The following CR1 variants were observed in gnomAD, a reference collection of about 807,000 sequenced individuals.
The protein encoded by CR1 is complement C3b/C4b receptor 1 (Knops blood group).
CR1 carries 116 observed loss-of-function variants against 187.3 expected under a neutral mutation model. The ratio of observed to expected loss-of-function variants is 0.62; its 90% CI spans 0.53 to 0.72. CR1 has a LOEUF of 0.72. Among genes scored for constraint, CR1 ranks in the 30% least tolerant of loss-of-function variants. The pLI is 0.00. For missense variants in CR1, 1,731 were observed against 2,110.7 expected (o/e 0.82, Z 3.52); for synonymous variants, 576 against 747.1 (o/e 0.77, Z 3.73).
At chr1:207,519,407 T>G (rs1200363724) in intron 4 of CR1, among the ~76,000 whole-genome samples, 2 of 152,134 alleles carry the variant, frequency 1.3e-5, no homozygotes, top group African/African-American at 2.4e-5. Context: ...TCACATTTTT[T>G]AATTCATCAA....
intron 4 of CR1, among the ~76,000 whole-genome samples, chr1:207,513,263 C>T (rs183694692): frequency 6.6e-6 from 1 of 152,190 alleles, no homozygotes; most frequent in Non-Finnish European, 1.5e-5. Flanking sequence ...ACAAGAACCC[C>T]CATTGTCTCT....
intron 46 of CR1, among the ~76,000 whole-genome samples, chr1:207,633,121 T>C (rs1662701456): frequency 6.6e-6 from 1 of 152,214 alleles, no homozygotes; most frequent in African/African-American, 2.4e-5. Flanking sequence ...CTTTTCCGCC[T>C]TTCTTTCTAT....
At chr1:207,612,533 T>C (rs1195069774) in intron 39 of CR1, among the ~76,000 whole-genome samples, 1 of 152,228 alleles carries the variant, frequency 6.6e-6, no homozygotes, top group Admixed American at 6.5e-5. Flanking sequence ...GTAATTCTTT[T>C]AATGCAGGAT....
In CR1 at chr1:207,621,984, G is replaced by A. The variant is rs1367687790; in HGVS notation, c.7264G>A (p.Ala2422Thr). ...TGTCTTCCTTTTAGGTACACATGAT[G>A]CTCTCATAGTTGGTAAGTTTTATGA... ...LAKCTSRTHD[A>T]LIVGTLSGTI... The change falls in exon 44 of 47, where the codon GCT (alanine) becomes ACT (threonine). Residue 2422 changes from alanine to threonine, a missense_variant. This residue lies in a region of CR1 where 1,312 missense variants were observed against 1,379.6 expected (regional missense o/e 0.95). Coordinates refer to ENST00000367049, the MANE Select transcript of CR1 (RefSeq NM_000651.6). 1.3e-6 allele frequency: 2 copies of A among 1,597,604 alleles called. No homozygotes were observed. The highest frequency in any genetic ancestry group is 3.5e-5 in the Admixed American group (2 of 57,876).
chr1:207,629,206 T>C (rs1662573805), intron 45 of CR1, among the ~76,000 whole-genome samples: 1 of 152,154 alleles, frequency 6.6e-6, no homozygotes, highest in Non-Finnish European at 1.5e-5. Context: ...AACAGCCTTG[T>C]ACACAGTCAA....
At chr1:207,581,398 A>G (rs1303802079) in intron 31 of CR1, among the ~76,000 whole-genome samples, 2 of 149,720 alleles carry the variant, frequency 1.3e-5, no homozygotes, top group Non-Finnish European at 3.0e-5. Context: ...ATATATACAT[A>G]TGTATATACA....
At position 207,588,774 on chromosome 1, in the gene CR1, G is replaced by T. The variant is rs1451376441; in HGVS notation, c.5810G>T (p.Gly1937Val). The change falls in exon 35 of 47, where the codon GGG (glycine) becomes GTG (valine). Residue 1937 changes from glycine to valine, a missense_variant and splice_region_variant. Transcript: ENST00000367049. ...ACAGTTAATTATTCTTGTAATGAAG[G>T]GTGAGTTGAGAATACCATCTCTTGA... ...GSTVNYSCNE[G>V]FRLIGSPSTT... is the part of the protein sequence containing the mutation. 3.1e-6 allele frequency: 5 copies of T among 1,594,014 alleles called. No individual in the cohort carries two copies. The highest frequency in any genetic ancestry group is 4.3e-6 in the Non-Finnish European group (5 of 1,165,324).
chr1:207,637,712 T>C (rs1451391260), intron 46 of CR1, among the ~76,000 whole-genome samples: 1 of 152,260 alleles, frequency 6.6e-6, no homozygotes, highest in African/African-American at 2.4e-5. Context: ...TGATCATCTG[T>C]GGGGCCAGGT....
rs1006480243 is a variant in CR1 at position 207,609,549 on chromosome 1, A to T, written c.6156A>T (p.Val2052=). 30 of 1,613,810 alleles carry T rather than the reference A, an allele frequency of 1.9e-5. 1 individual carries two copies. Among genetic ancestry groups the T allele is most frequent in the Non-Finnish European group, 8.5e-6 (10 of 1,179,870 alleles). The change falls in exon 37 of 47, where the codon GTA becomes GTT. Residue 2052 remains valine, a synonymous_variant. Coordinates refer to ENST00000367049, the MANE Select transcript of CR1 (RefSeq NM_000651.6). The part of the protein sequence containing the change: ...TAPEVENAIR[V]PGNRSFFTLT... ...CAGAAGTTGAAAATGCAATTAGAGTACCAGGAAACAGGAGTTTCTTTACCC... is the reference window on the plus strand; with the variant it reads ...CAGAAGTTGAAAATGCAATTAGAGTTCCAGGAAACAGGAGTTTCTTTACCC...
chr1:207,595,427 C>T (rs1661402346), intron 35 of CR1, among the ~76,000 whole-genome samples: 1 of 152,044 alleles, frequency 6.6e-6, no homozygotes, highest in African/African-American at 2.4e-5. Context: ...GGGCCCCGGC[C>T]CTACATGGAA....
intron 4 of CR1, among the ~76,000 whole-genome samples, chr1:207,521,602 A>ATTG (rs1169841941): frequency 3.4e-5 from 2 of 58,910 alleles, no homozygotes; most frequent in Non-Finnish European, 7.6e-5. Context: ...TAGACTTTTT[A>ATTG]TTTTCCAAAT....
chr1:207,508,157 G>A (rs1199973067), intron 3 of CR1, among the ~76,000 whole-genome samples: 2 of 152,190 alleles, frequency 1.3e-5, no homozygotes, highest in African/African-American at 4.8e-5. Flanking sequence ...GGGATGAATC[G>A]GAAGAGCACA....
intron 32 of CR1, 63 bp from the exon 33 acceptor site, chr1:207,584,586 G>A: frequency 1.3e-6 from 2 of 1,555,974 alleles, no homozygotes; most frequent in Non-Finnish European, 1.7e-6. Flanking sequence ...GACAACTGTA[G>A]AATCACCTTG....
intron 36 of CR1, 134 bp from the exon 37 acceptor site, chr1:207,609,156 T>A: frequency 2.1e-6 from 2 of 951,278 alleles, no homozygotes; most frequent in South Asian, 2.2e-5. Flanking sequence ...TATTAGCAAA[T>A]ATTTTAAGAA....
At chr1:207,575,261 G>T (rs917185836) in intron 27 of CR1, among the ~76,000 whole-genome samples, 1 of 149,376 alleles carries the variant, frequency 6.7e-6, no homozygotes, top group East Asian at 2.0e-4. Flanking sequence ...AACAAAAAAA[G>T]GCAAAAATAA....
intron 35 of CR1, among the ~76,000 whole-genome samples, chr1:207,605,298 A>G (rs1661715262): frequency 6.6e-6 from 1 of 150,568 alleles, no homozygotes; most frequent in African/African-American, 2.4e-5. Flanking sequence ...AAAGAAAGGG[A>G]AAAAAAATTG....
chr1:207,514,988 T>TACAC (rs1370890455), intron 4 of CR1, among the ~76,000 whole-genome samples: 26 of 127,510 alleles, frequency 2.0e-4, no homozygotes, highest in Admixed American at 7.1e-4. Flanking sequence ...AACATATATA[T>TACAC]ATATATACAC....
At chr1:207,581,566 A>T (rs750096085) in intron 31 of CR1, among the ~76,000 whole-genome samples, 37 of 152,086 alleles carry the variant, frequency 2.4e-4, no homozygotes, top group Admixed American at 5.2e-4. Context: ...TGTATATAAG[A>T]TAAAATAACA....
chr1:207,505,506 A>G (rs938949075), intron 1 of CR1, among the ~76,000 whole-genome samples: 5 of 152,086 alleles, frequency 3.3e-5, no homozygotes, highest in Non-Finnish European at 7.4e-5. Flanking sequence ...TTTTGATCAC[A>G]TCTATGAAGT....
Sources: allele counts gnomAD v4.1 joint callset (sites outside exome capture counted in the v4.1 genomes callset), GRCh38; gene constraint gnomAD v4.1.1; regional missense constraint gnomAD v4.1.1; transcripts MANE v1.5; gene names NCBI Gene and HGNC (gene_info 2026-07-23, HGNC 2026-07-21).